Variants in CEP128 observed in about 807,000 individuals in gnomAD.
CEP128 encodes the protein centrosomal protein 128kDa.
A neutral mutation model predicts 156.7 loss-of-function variants in CEP128; 132 were observed. The ratio of observed to expected loss-of-function variants is 0.84; its 90% CI spans 0.73 to 0.97. CEP128 has a LOEUF of 0.97. Among genes scored for constraint, CEP128 ranks in the 50% least tolerant of loss-of-function variants. The probability of loss-of-function intolerance (pLI) is 0.00; values close to 1 mark genes in which losing one functional copy is unlikely to be tolerated. For missense variants in CEP128, 1,252 were observed against 1,281.9 expected (o/e 0.98, Z 0.36); for synonymous variants, 469 against 448.9 (o/e 1.04, Z -0.57).
chr14:80,586,950 C>T (rs1158566669), intron 19 of CEP128, among the ~76,000 whole-genome samples: 3 of 152,020 alleles, frequency 2.0e-5, no homozygotes, highest in Non-Finnish European at 4.4e-5. Context: ...AATACCTAAA[C>T]AACAATCAAA....
chr14:80,614,727 A>G lies in CEP128; in HGVS notation c.2807-34304T>C, dbSNP rs576774811. Among the ~76,000 whole-genome samples the G allele has an allele frequency of 3.3e-5, 5 of 152,268 alleles. No homozygotes were observed. The South Asian group carries it at 1.0e-3, about 32-fold the overall frequency. On this transcript the variant is annotated intron_variant, in intron 19 of 24. Coordinates refer to ENST00000555265, the MANE Select transcript of CEP128 (RefSeq NM_152446.5). ...ACCTTTGAAAGTCAAATATCGTGTT[A>G]TCTCCTCTAAATATTTTTTAATAAA... is the stretch of plus-strand genomic sequence containing the variant.
At chr14:80,796,698 T>C (rs1883504209) in intron 13 of CEP128, among the ~76,000 whole-genome samples, 1 of 152,144 alleles carries the variant, frequency 6.6e-6, no homozygotes, top group African/African-American at 2.4e-5. Flanking sequence ...ACCTACACAA[T>C]ACCCTCGGTA....
At chr14:80,551,358 A>G (rs1259321498) in intron 21 of CEP128, among the ~76,000 whole-genome samples, 2 of 152,326 alleles carry the variant, frequency 1.3e-5, no homozygotes, top group African/African-American at 4.8e-5. Flanking sequence ...CTTTAACACT[A>G]TTCGATTACT....
intron 20 of CEP128, among the ~76,000 whole-genome samples, chr14:80,561,038 A>C (rs1890650338): frequency 6.6e-6 from 1 of 152,330 alleles, no homozygotes; most frequent in South Asian, 2.1e-4. Context: ...TATGACACTT[A>C]GAAGCAGAAT....
At chr14:80,655,126 CTTA>C (rs1000082386) in intron 19 of CEP128, among the ~76,000 whole-genome samples, 2 of 152,106 alleles carry the variant, frequency 1.3e-5, no homozygotes, top group Non-Finnish European at 2.9e-5. Context: ...TCTTTAAGCT[CTTA>C]TTGTTTCATA....
At chr14:80,629,765 A>T (rs1016621298) in intron 19 of CEP128, among the ~76,000 whole-genome samples, 1 of 151,948 alleles carries the variant, frequency 6.6e-6, no homozygotes, top group African/African-American at 2.4e-5. Context: ...CTTTTCCATC[A>T]GTGACTTACT....
intron 8 of CEP128, among the ~76,000 whole-genome samples, chr14:80,892,849 A>G (rs1489778229): frequency 6.6e-6 from 1 of 152,046 alleles, no homozygotes; most frequent in African/African-American, 2.4e-5. Context: ...ACTATGAGAT[A>G]CCACATCACA....
intron 19 of CEP128, among the ~76,000 whole-genome samples, chr14:80,633,548 A>G (rs971653468): frequency 3.3e-5 from 5 of 152,080 alleles, no homozygotes; most frequent in African/African-American, 1.2e-4. Flanking sequence ...GCCAGGGCCA[A>G]ACTGAAGTTC....
chr14:80,639,600 C>G (rs1894328111), intron 19 of CEP128, among the ~76,000 whole-genome samples: 1 of 152,004 alleles, frequency 6.6e-6, no homozygotes, highest in Non-Finnish European at 1.5e-5. Context: ...TGTGGACCAC[C>G]CAAATCCTGT....
chr14:80,648,755 T>C (rs7141390), intron 19 of CEP128, among the ~76,000 whole-genome samples: 79,678 of 151,852 alleles, frequency 0.52, 21,962 homozygotes, highest in Non-Finnish European at 0.59. Context: ...AATTAAACAC[T>C]AGTTTAAAAA....
chr14:80,642,670 C>G (rs1038099813), intron 19 of CEP128, among the ~76,000 whole-genome samples: 3 of 150,778 alleles, frequency 2.0e-5, no homozygotes, highest in African/African-American at 4.9e-5. Flanking sequence ...AACAAACAAA[C>G]AAAGAAAAAG....
chr14:80,935,913 A>T (rs542662093), intron 2 of CEP128, among the ~76,000 whole-genome samples: 92 of 152,318 alleles, frequency 6.0e-4, no homozygotes, highest in African/African-American at 2.0e-3. Flanking sequence ...ATGACAGGTA[A>T]GGAAACAACT....
chr14:80,704,690 T>C (rs1194518092), intron 19 of CEP128, among the ~76,000 whole-genome samples: 1 of 123,110 alleles, frequency 8.1e-6, no homozygotes, highest in South Asian at 2.6e-4. Context: ...TTTTATAAAA[T>C]TAGGATGGTA....
At chr14:80,642,964 C>G (rs1475818693) in intron 19 of CEP128, among the ~76,000 whole-genome samples, 1 of 151,808 alleles carries the variant, frequency 6.6e-6, no homozygotes, top group Admixed American at 6.6e-5. Flanking sequence ...CCGTGTTAGC[C>G]AGGATGGTCT....
intron 22 of CEP128, among the ~76,000 whole-genome samples, chr14:80,529,166 A>G (rs1387649610): frequency 6.6e-6 from 1 of 152,212 alleles, no homozygotes; most frequent in East Asian, 1.9e-4. Context: ...AGTATCTCTG[A>G]AGATTAGGAA....
chr14:80,922,662 A>T (rs1024233223), intron 2 of CEP128, among the ~76,000 whole-genome samples: 4 of 152,232 alleles, frequency 2.6e-5, no homozygotes, highest in African/African-American at 9.6e-5. Flanking sequence ...TTAAGAGTAG[A>T]AGAAGAAAAA....
chr14:80,844,236 C>A (rs975257352), intron 9 of CEP128, among the ~76,000 whole-genome samples: 1 of 151,762 alleles, frequency 6.6e-6, no homozygotes, highest in Non-Finnish European at 1.5e-5. Context: ...ATCCCTGAAC[C>A]AATATCTAAT....
intron 4 of CEP128, among the ~76,000 whole-genome samples, chr14:80,912,171 C>T (rs1425183685): frequency 6.6e-6 from 1 of 151,286 alleles, no homozygotes; most frequent in Non-Finnish European, 1.5e-5. Context: ...GAGCTGAGAT[C>T]GCGCCACTGC....
intron 19 of CEP128, among the ~76,000 whole-genome samples, chr14:80,635,330 T>C (rs1273114369): frequency 2.0e-5 from 3 of 152,124 alleles, no homozygotes; most frequent in East Asian, 3.8e-4. Context: ...GCACAGTACA[T>C]TATAAGATGA....
Sources: gnomAD v4.1 joint callset for allele counts (sites outside exome capture counted in the v4.1 genomes callset) on GRCh38, gnomAD v4.1.1 for gene constraint, MANE v1.5 for transcripts, NCBI Gene and HGNC (gene_info 2026-07-23, HGNC 2026-07-21) for gene names.